Variants in KAZN observed in about 807,000 individuals in gnomAD.
KAZN encodes kazrin, periplakin interacting protein.
A neutral mutation model predicts 87.4 loss-of-function variants in KAZN; 40 were observed. That is an observed-to-expected ratio of 0.46 (90% CI 0.36 to 0.60). KAZN has a LOEUF of 0.60. Ranked by LOEUF, KAZN falls within the 20% of genes least tolerant of loss-of-function variation. The probability of loss-of-function intolerance (pLI) is 0.00; values close to 1 mark genes in which losing one functional copy is unlikely to be tolerated. For missense variants in KAZN, 898 were observed against 1,073.9 expected (o/e 0.84, Z 2.29); for synonymous variants, 466 against 458.3 (o/e 1.02, Z -0.22).
At chr1:14,019,333 T>C (rs1162987899) in intron 1 of KAZN, among the ~76,000 whole-genome samples, 3 of 152,078 alleles carry the variant, frequency 2.0e-5, no homozygotes, top group Non-Finnish European at 4.4e-5. Flanking sequence ...CAAGACCCAC[T>C]GGGAACACAA....
At chr1:14,612,915 C>T (rs749153342) in intron 1 of KAZN, among the ~76,000 whole-genome samples, 29 of 152,192 alleles carry the variant, frequency 1.9e-4, no homozygotes, top group African/African-American at 3.4e-4. Flanking sequence ...ATTAATAGTG[C>T]GTTGTATTAT....
chr1:14,547,146 A>G (rs533475702), intron 2 of KAZN, among the ~76,000 whole-genome samples: 1 of 152,272 alleles, frequency 6.6e-6, no homozygotes, highest in South Asian at 2.1e-4. Flanking sequence ...CAAAATGTCA[A>G]TAGGTCTCTC....
At position 15,034,770 on chromosome 1, in the gene KAZN, G is replaced by A. The variant is rs1161821581; in HGVS notation, c.440G>A (p.Arg147His). Residue 147 changes from arginine (R) to histidine (H), a missense_variant, in exon 3 of 15, where the codon CGC becomes CAC. This residue lies in a region of KAZN where 250 missense variants were observed against 263.0 expected (regional missense o/e 0.95). Coordinates refer to ENST00000376030, the MANE Select transcript of KAZN (RefSeq NM_201628.3). ...ALQAMKADRK[R>H]LKGEKTDLVS... ...CCAGCCATGAAAGCTGATCGGAAGC[G>A]CTTAAAGGGCGAGAAGACAGACCTG... 2.5e-6 allele frequency: 4 copies of A among 1,614,096 alleles called. No homozygotes were observed. The highest frequency in any genetic ancestry group is 1.6e-4 in the Middle Eastern group (1 of 6,062).
At chr1:14,528,346 AAAAAAAAAAAAAAAAG>A (rs1672017867) in intron 2 of KAZN, among the ~76,000 whole-genome samples, 1 of 144,968 alleles carries the variant, frequency 6.9e-6, no homozygotes, top group Non-Finnish European at 1.6e-5. Flanking sequence ...TCAAAAAAAA[AAAAAAAAAAAAAAAAG>A]AAAGAAAAAA....
chr1:14,841,153 C>T (rs529718476), intron 1 of KAZN, among the ~76,000 whole-genome samples: 7 of 151,694 alleles, frequency 4.6e-5, no homozygotes, highest in African/African-American at 7.3e-5. Flanking sequence ...TGTGGTGGCT[C>T]ACGCTTGTAA....
chr1:14,335,733 G>A (rs185805454), intron 2 of KAZN, among the ~76,000 whole-genome samples: 1 of 151,834 alleles, frequency 6.6e-6, no homozygotes. Context: ...ACTAATATAG[G>A]CGTGCATGTG....
intron 1 of KAZN, among the ~76,000 whole-genome samples, chr1:14,062,142 A>C (rs1401121038): frequency 6.6e-6 from 1 of 152,174 alleles, no homozygotes; most frequent in Admixed American, 6.5e-5. Context: ...TTAGCCACCA[A>C]ATAATAAGAA....
intron 1 of KAZN, among the ~76,000 whole-genome samples, chr1:14,045,979 G>T (rs1642052325): frequency 6.6e-6 from 1 of 152,202 alleles, no homozygotes; most frequent in South Asian, 2.1e-4. Flanking sequence ...TTGAAAGAGA[G>T]CTTGGAAGTT....
rs183283462 is a variant in KAZN at position 14,174,545 on chromosome 1, G to A, written c.92-5890G>A. Among the ~76,000 whole-genome samples, 4 of 152,316 alleles carry A rather than the reference G, an allele frequency of 2.6e-5. No individual in the cohort carries two copies. The East Asian group carries it at 7.7e-4, about 29-fold the overall frequency. ...TCTGCTTATTTGAGCTATGTTTAAA[G>A]CAATTAGATGTGGAAAATTTTGAGT... is the stretch of plus-strand genomic sequence containing the variant. On this transcript the variant is annotated intron_variant, in intron 1 of 16. Coordinates refer to the KAZN transcript ENST00000636203.
In KAZN at chr1:14,771,803, G is replaced by A. The variant is rs1645027397; in HGVS notation, c.226+172580G>A. On this transcript the variant is annotated intron_variant, in intron 1 of 14. Transcript: ENST00000376030. ...ACCGTGCCATTGCACTCCAGCCTGG[G>A]TGACAGAGGGAGACTGTCTCAAAAA... Among the ~76,000 whole-genome samples the A allele has an allele frequency of 2.0e-5, 3 of 152,136 alleles. 1 individual carries two copies. In the South Asian group the frequency reaches 6.2e-4, roughly 32 times the overall value.
At chr1:14,657,104 CAG>C (rs1277804380) in intron 1 of KAZN, among the ~76,000 whole-genome samples, 4 of 101,048 alleles carry the variant, frequency 4.0e-5, no homozygotes, top group Non-Finnish European at 5.6e-5. Context: ...TTTTTTGAGA[CAG>C]AGTTTCACTC....
intron 1 of KAZN, among the ~76,000 whole-genome samples, chr1:14,867,085 G>A (rs954259372): frequency 3.2e-5 from 3 of 93,396 alleles, no homozygotes; most frequent in African/African-American, 9.1e-5. Context: ...TGAATCCCAA[G>A]TTCGGGCTCG....
intron 1 of KAZN, among the ~76,000 whole-genome samples, chr1:14,909,962 A>G (rs1362629302): frequency 6.6e-6 from 1 of 152,178 alleles, no homozygotes; most frequent in Non-Finnish European, 1.5e-5. Flanking sequence ...CTGAGACAAG[A>G]GAATCGCTTG....
At chr1:14,414,071 C>T (rs1045582683) in intron 2 of KAZN, among the ~76,000 whole-genome samples, 34 of 152,238 alleles carry the variant, frequency 2.2e-4, no homozygotes, top group African/African-American at 7.9e-4. Flanking sequence ...ATGTCCAAGG[C>T]CCATAACATG....
chr1:14,419,818 C>T (rs377252303), intron 2 of KAZN, among the ~76,000 whole-genome samples: 101 of 152,170 alleles, frequency 6.6e-4, no homozygotes, highest in African/African-American at 2.3e-3. Context: ...GGTTCGGGGT[C>T]TCGCTGGTCT....
At chr1:14,576,161 T>C (rs181976814) in intron 2 of KAZN, among the ~76,000 whole-genome samples, 5 of 152,326 alleles carry the variant, frequency 3.3e-5, no homozygotes, top group African/African-American at 1.2e-4. Context: ...GCCTTAGTTG[T>C]CACATTTGTA....
upstream of KAZN, among the ~76,000 whole-genome samples, chr1:14,597,694 G>A (rs1676598336): frequency 2.0e-5 from 3 of 152,082 alleles, no homozygotes; most frequent in Non-Finnish European, 4.4e-5. Flanking sequence ...GCTGCTCTCC[G>A]GAGGTTGACT....
intron 2 of KAZN, among the ~76,000 whole-genome samples, chr1:14,401,894 G>T (rs949734180): frequency 6.6e-6 from 1 of 151,946 alleles, no homozygotes; most frequent in Non-Finnish European, 1.5e-5. Context: ...AAAAGCAAAC[G>T]TCATATTAAG....
intron 1 of KAZN, among the ~76,000 whole-genome samples, chr1:14,682,044 C>T (rs941288719): frequency 5.3e-5 from 8 of 152,010 alleles, no homozygotes; most frequent in Non-Finnish European, 1.0e-4. Flanking sequence ...CACATTGTTG[C>T]GCAACCATCA....
Sources: allele counts gnomAD v4.1 joint callset (sites outside exome capture counted in the v4.1 genomes callset), GRCh38; gene constraint gnomAD v4.1.1; regional missense constraint gnomAD v4.1.1; transcripts MANE v1.5; gene names NCBI Gene and HGNC (gene_info 2026-07-23, HGNC 2026-07-21).